CLIC5: variants seen among roughly 807,000 people sequenced by gnomAD.
CLIC5 encodes CLIC family member 5, also known as chloride intracellular channel protein 5.
In CLIC5, 20 loss-of-function variants were observed where a neutral mutation model predicts 24.7. That is an observed-to-expected ratio of 0.81 (90% CI 0.57 to 1.18). The LOEUF (loss-of-function observed/expected upper bound fraction) is 1.18. CLIC5 is among the 50% of genes most tolerant of loss of function. The pLI is 0.00. For synonymous variants in CLIC5, 159 were observed against 135.6 expected (o/e 1.17, Z -1.20); for missense variants, 341 against 326.1 (o/e 1.05, Z -0.35).
chr6:45,981,959 T>C (rs1236954977), intron 1 of CLIC5, among the ~76,000 whole-genome samples: 1 of 151,300 alleles, frequency 6.6e-6, no homozygotes, highest in East Asian at 1.9e-4. Context: ...GATTGCAGCA[T>C]TGTACTCCAG....
At chr6:46,126,092 C>T in the CLIC5 span, among the ~76,000 whole-genome samples, 1 of 152,180 alleles carries the variant, frequency 6.6e-6, no homozygotes, top group African/African-American at 2.4e-5. Context: ...GTCCCAGGAA[C>T]CTCTTCCATT....
At chr6:46,074,283 T>C (rs1295521928) in intron 1 of CLIC5, among the ~76,000 whole-genome samples, 1 of 152,188 alleles carries the variant, frequency 6.6e-6, no homozygotes, top group Admixed American at 6.5e-5. Flanking sequence ...TTCATTCTAA[T>C]TATAGTATTC....
At chr6:45,975,875 A>T (rs4714897) in intron 1 of CLIC5, among the ~76,000 whole-genome samples, 57,467 of 152,040 alleles carry the variant, frequency 0.38, 12,127 homozygotes, top group African/African-American at 0.57. Flanking sequence ...TTTATGTTGT[A>T]AATTATAAAT....
chr6:45,925,249 A>G, intron 4 of CLIC5, among the ~76,000 whole-genome samples: 1 of 152,110 alleles, frequency 6.6e-6, no homozygotes, highest in East Asian at 1.9e-4. Flanking sequence ...CTTCTATTAC[A>G]AACAGCCAAA....
At chr6:46,104,350 G>T in the CLIC5 span, among the ~76,000 whole-genome samples, 1 of 152,078 alleles carries the variant, frequency 6.6e-6, no homozygotes, top group Non-Finnish European at 1.5e-5. Flanking sequence ...GTCATGACAG[G>T]TGACCATTCT....
intron 1 of CLIC5, among the ~76,000 whole-genome samples, chr6:45,988,646 T>C (rs1337614836): frequency 6.6e-6 from 1 of 152,254 alleles, no homozygotes; most frequent in African/African-American, 2.4e-5. Context: ...ATCCTTGTTT[T>C]AGCAGGGTTC....
At chr6:46,084,693 A>G (rs78794236), upstream of CLIC5, among the ~76,000 whole-genome samples, 498 of 152,136 alleles carry the variant, frequency 3.3e-3, 6 homozygotes, top group African/African-American at 0.011. Flanking sequence ...CTTTCTCTCT[A>G]GCTGCCCTTA....
At position 45,983,476 on chromosome 6, in the gene CLIC5, G is replaced by A. The variant is rs569889792; in HGVS notation, c.64-28232C>T. 3.5e-4 allele frequency among the ~76,000 whole-genome samples: 53 copies of A among 152,246 alleles called. 1 individual carries two copies. Among genetic ancestry groups the A allele is most frequent in the Admixed American group, 5.9e-4 (9 of 15,282 alleles). Reference sequence around the variant, plus strand: ...CATTGAGAAGAGTTTTGTAACAATCGGTTGGAAGAGCGATTGTGGCATTCC... The same window carrying A: ...CATTGAGAAGAGTTTTGTAACAATCAGTTGGAAGAGCGATTGTGGCATTCC... On this transcript the variant is annotated intron_variant, in intron 1 of 5. Coordinates refer to ENST00000339561, the MANE Select transcript of CLIC5 (RefSeq NM_016929.5).
chr6:46,060,332 C>A (rs1049347768), intron 1 of CLIC5, among the ~76,000 whole-genome samples: 4 of 151,204 alleles, frequency 2.6e-5, no homozygotes, highest in Non-Finnish European at 5.9e-5. Context: ...ATCAAACTGA[C>A]AATTATGGAA....
the CLIC5 span, among the ~76,000 whole-genome samples, chr6:46,125,976 A>T: frequency 6.6e-6 from 1 of 152,176 alleles, no homozygotes; most frequent in Admixed American, 6.5e-5. Context: ...CATGTGGTTA[A>T]TGGAGTAAAA....
At chr6:45,898,071 G>A (rs1442091250), downstream of CLIC5, among the ~76,000 whole-genome samples, 1 of 150,226 alleles carries the variant, frequency 6.7e-6, no homozygotes, top group Non-Finnish European at 1.5e-5. Flanking sequence ...TTTTTGTTTT[G>A]TTTTGCTTTG....
At chr6:46,003,958 G>A (rs1335173807) in intron 1 of CLIC5, among the ~76,000 whole-genome samples, 1 of 152,028 alleles carries the variant, frequency 6.6e-6, no homozygotes, top group African/African-American at 2.4e-5. Context: ...GTATATGAGA[G>A]GATTAACTAT....
chr6:46,079,507 G>T lies in CLIC5; in HGVS notation c.540+196C>A, dbSNP rs76792358. ...CAGTGATTAAATACGTGCTTTAAAT[G>T]CACCTTCCAATTCCTCTAATTTTGT... On this transcript the variant is annotated intron_variant, in intron 1 of 5. Coordinates refer to the CLIC5 transcript ENST00000185206. 5.2e-3 allele frequency among the ~76,000 whole-genome samples: 785 copies of T among 152,326 alleles called. 11 individuals carry two copies. Among genetic ancestry groups the T allele is most frequent in the African/African-American group, 0.018 (747 of 41,568 alleles).
chr6:46,071,131 C>G (rs969563021), intron 1 of CLIC5, among the ~76,000 whole-genome samples: 1 of 152,036 alleles, frequency 6.6e-6, no homozygotes, highest in Non-Finnish European at 1.5e-5. Context: ...CCTTGGAAGA[C>G]AACCTAAGCA....
intron 4 of CLIC5, among the ~76,000 whole-genome samples, chr6:45,926,228 C>CATATATATATAT (rs10543677): frequency 1.4e-5 from 2 of 144,068 alleles, no homozygotes; most frequent in Admixed American, 6.9e-5. Flanking sequence ...CATACATATA[C>CATATATATATAT]ATATATATAT....
At chr6:45,922,409 C>T (rs893937180) in intron 4 of CLIC5, among the ~76,000 whole-genome samples, 4 of 152,166 alleles carry the variant, frequency 2.6e-5, no homozygotes, top group Non-Finnish European at 5.9e-5. Context: ...GCTGCTTCCC[C>T]AAGCTCTATA....
the CLIC5 span, among the ~76,000 whole-genome samples, chr6:46,098,149 T>C: frequency 6.6e-6 from 1 of 152,320 alleles, no homozygotes; most frequent in Non-Finnish European, 1.5e-5. Flanking sequence ...TAAAACATCT[T>C]CAAAGGGACT....
At chr6:46,015,291 G>T (rs989106244) in intron 1 of CLIC5, among the ~76,000 whole-genome samples, 189 bp downstream of exon 1, 1 of 152,216 alleles carries the variant, frequency 6.6e-6, no homozygotes, top group African/African-American at 2.4e-5. Context: ...CCACCTGCCG[G>T]AACCTGCCTT....
At chr6:45,888,492 A>G (rs1402929590) in intron 6 of CLIC5, among the ~76,000 whole-genome samples, 8 of 152,352 alleles carry the variant, frequency 5.3e-5, no homozygotes, top group African/African-American at 1.7e-4. Flanking sequence ...TAGGTAAGGA[A>G]CTATGGGATG....
Sources: gnomAD v4.1 joint callset for allele counts (sites outside exome capture counted in the v4.1 genomes callset) on GRCh38, gnomAD v4.1.1 for gene constraint, MANE v1.5 for transcripts, NCBI Gene and HGNC (gene_info 2026-07-23, HGNC 2026-07-21) for gene names.